TMEM132D: variants seen among roughly 807,000 people sequenced by gnomAD.
The protein encoded by TMEM132D is mature OL transmembrane protein.
In TMEM132D, 21 loss-of-function variants were observed where a neutral mutation model predicts 62.3. The ratio of observed to expected loss-of-function variants is 0.34; its 90% CI spans 0.24 to 0.49. The LOEUF (loss-of-function observed/expected upper bound fraction) is 0.49. TMEM132D is among the 20% of genes least tolerant of loss of function. The pLI, the probability that TMEM132D is intolerant of heterozygous loss-of-function variation, is 0.99. For synonymous variants in TMEM132D, 621 were observed against 575.6 expected (o/e 1.08, Z -1.13); for missense variants, 1,346 against 1,402.8 (o/e 0.96, Z 0.65).
chr12:129,441,093 C>T (rs138945670), intron 3 of TMEM132D, among the ~76,000 whole-genome samples: 256 of 152,226 alleles, frequency 1.7e-3, no homozygotes, highest in Middle Eastern at 3.4e-3. Flanking sequence ...GAATTTAATC[C>T]AGGGCACTGG....
intron 2 of TMEM132D, among the ~76,000 whole-genome samples, chr12:129,646,095 C>T (rs1241809591): frequency 8.5e-5 from 13 of 152,178 alleles, no homozygotes; most frequent in Non-Finnish European, 1.5e-5. Context: ...ACTTTTTTCA[C>T]TTTACTCTGT....
At chr12:129,075,923 C>G (rs1456032372) in intron 8 of TMEM132D, among the ~76,000 whole-genome samples, 2 of 151,760 alleles carry the variant, frequency 1.3e-5, no homozygotes, top group Non-Finnish European at 2.9e-5. Flanking sequence ...TGCTTCCTCC[C>G]TCCCTCCCTC....
At chr12:129,290,012 T>C (rs984703386) in intron 4 of TMEM132D, among the ~76,000 whole-genome samples, 6 of 152,238 alleles carry the variant, frequency 3.9e-5, no homozygotes, top group Non-Finnish European at 7.3e-5. Context: ...TGAATGGGTC[T>C]GTATTTATTA....
intron 2 of TMEM132D, among the ~76,000 whole-genome samples, chr12:129,685,885 T>G (rs1880901643): frequency 6.6e-6 from 1 of 152,192 alleles, no homozygotes; most frequent in African/African-American, 2.4e-5. Flanking sequence ...AACTTCAAGA[T>G]TAATTACCGC....
At chr12:129,813,485 G>A (rs1303607953) in intron 1 of TMEM132D, among the ~76,000 whole-genome samples, 2 of 151,352 alleles carry the variant, frequency 1.3e-5, no homozygotes, top group Admixed American at 6.6e-5. Flanking sequence ...TGGTGGGAAC[G>A]TAAAGTAGTC....
rs140359588 is a variant in TMEM132D, at chr12:129,868,739, C to A, written c.79+34522G>T. ...TCTAGGGCCGGGACAAGCTGTTCTT[C>A]TAGAAGTTCACTGTCCAGCTGCTTG... is the stretch of plus-strand genomic sequence containing the variant. On this transcript the variant is annotated intron_variant, in intron 1 of 8. Transcript: ENST00000422113. Among the ~76,000 whole-genome samples the A allele has an allele frequency of 3.2e-3, 494 of 152,318 alleles. 5 individuals are homozygous for A. Among genetic ancestry groups the A allele is most frequent in the African/African-American group, 9.2e-3 (381 of 41,576 alleles).
intron 4 of TMEM132D, among the ~76,000 whole-genome samples, chr12:129,238,743 G>A (rs1879853298): frequency 1.3e-5 from 2 of 152,164 alleles, no homozygotes; most frequent in African/African-American, 4.8e-5. Context: ...GGACATTTGG[G>A]TTGATTCTAC....
chr12:129,552,209 G>T (rs1876917345), intron 2 of TMEM132D, among the ~76,000 whole-genome samples: 1 of 152,132 alleles, frequency 6.6e-6, no homozygotes, highest in African/African-American at 2.4e-5. Context: ...GCAATTGAAG[G>T]ATTGAGTTTG....
intron 4 of TMEM132D, among the ~76,000 whole-genome samples, chr12:129,293,530 A>C (rs974444247): frequency 6.6e-6 from 1 of 152,150 alleles, no homozygotes; most frequent in Non-Finnish European, 1.5e-5. Context: ...TATTATTCTT[A>C]CATTATAATA....
chr12:129,751,214 T>C (rs905136010), intron 1 of TMEM132D, among the ~76,000 whole-genome samples: 1 of 152,132 alleles, frequency 6.6e-6, no homozygotes. Context: ...GAATCATGAC[T>C]GGGGGAGCCT....
intron 4 of TMEM132D, among the ~76,000 whole-genome samples, chr12:129,264,028 T>G (rs1444503643): frequency 6.6e-6 from 1 of 152,164 alleles, no homozygotes; most frequent in African/African-American, 2.4e-5. Flanking sequence ...GTCTCTTGAC[T>G]GAGTGCTTTC....
chr12:129,776,248 C>A (rs916039050), intron 1 of TMEM132D, among the ~76,000 whole-genome samples: 7 of 152,060 alleles, frequency 4.6e-5, no homozygotes, highest in Non-Finnish European at 8.8e-5. Flanking sequence ...CGGACGTGAA[C>A]CCCAAAAAGC....
intron 2 of TMEM132D, among the ~76,000 whole-genome samples, chr12:129,625,090 T>C (rs7313012): frequency 0.35 from 53,148 of 152,124 alleles, 10,260 homozygotes; most frequent in Middle Eastern, 0.5. Flanking sequence ...TAATTTTCCA[T>C]GTGTCCCTGA....
intron 4 of TMEM132D, among the ~76,000 whole-genome samples, chr12:129,288,217 C>A (rs996024047): frequency 6.6e-6 from 1 of 152,142 alleles, no homozygotes; most frequent in African/African-American, 2.4e-5. Context: ...GCACAGGCAA[C>A]AAAAGCAAAG....
rs761892015 is a variant in TMEM132D, at chr12:129,524,920, C to CTTTTTTTT, written c.1115+6138_1115+6139insAAAAAAAA. 2.2e-4 allele frequency among the ~76,000 whole-genome samples: 20 copies of CTTTTTTTT among 92,180 alleles called. 2 individuals carry two copies. The highest frequency in any genetic ancestry group is 4.3e-4 in the South Asian group (1 of 2,348). 60.5% of individuals were successfully genotyped at this position (92,180 alleles called of 152,430 possible). ...CATTTTATTATTTTCATATTTTTTT[C>CTTTTTTTT]TTTTTTCTTTTTTTTTTTTTTTTTG... On this transcript the variant is annotated intron_variant, in intron 3 of 8. Coordinates refer to ENST00000422113, the MANE Select transcript of TMEM132D (RefSeq NM_133448.3).
At chr12:129,153,808 T>A (rs1877149476) in intron 5 of TMEM132D, among the ~76,000 whole-genome samples, 1 of 152,070 alleles carries the variant, frequency 6.6e-6, no homozygotes, top group African/African-American at 2.4e-5. Context: ...GGGTGGCGGT[T>A]CTGCAGCTTT....
chr12:129,720,229 T>C (rs1868771170), intron 1 of TMEM132D, among the ~76,000 whole-genome samples: 1 of 152,200 alleles, frequency 6.6e-6, no homozygotes, highest in African/African-American at 2.4e-5. Context: ...GCAACATTCC[T>C]AGTAACTCAC....
At chr12:129,466,471 T>C (rs192333828) in intron 3 of TMEM132D, among the ~76,000 whole-genome samples, 129 of 152,130 alleles carry the variant, frequency 8.5e-4, no homozygotes, top group African/African-American at 2.9e-3. Context: ...AGGCACGCAC[T>C]ACTGTGCCTG....
chr12:129,279,998 C>T, intron 4 of TMEM132D, among the ~76,000 whole-genome samples: 1 of 152,156 alleles, frequency 6.6e-6, no homozygotes, highest in East Asian at 1.9e-4. Flanking sequence ...TAAGGAATGG[C>T]AGCGTAAATG....
Sources: allele counts gnomAD v4.1 joint callset (sites outside exome capture counted in the v4.1 genomes callset), GRCh38; gene constraint gnomAD v4.1.1; transcripts MANE v1.5; gene names NCBI Gene and HGNC (gene_info 2026-07-23, HGNC 2026-07-21).